VPS53: variants seen among roughly 807,000 people sequenced by gnomAD.
VPS53 encodes the protein vacuolar protein sorting-associated protein 53 homolog.
VPS53 carries 70 observed loss-of-function variants against 107.0 expected under a neutral mutation model. The ratio of observed to expected loss-of-function variants is 0.65; its 90% CI spans 0.54 to 0.80. The LOEUF (loss-of-function observed/expected upper bound fraction) is 0.80. Among genes scored for constraint, VPS53 ranks in the 30% least tolerant of loss-of-function variants. The pLI is 0.00. For missense variants in VPS53, 917 were observed against 1,049.4 expected, an observed-to-expected ratio of 0.87 and a Z score of 1.74; for synonymous variants, 409 against 393.3, an observed-to-expected ratio of 1.04 and a Z score of -0.47.
rs534147562 is a variant in VPS53 at position 524,992 on chromosome 17, G to A, written c.2086-3254C>T. 6.6e-6 allele frequency among the ~76,000 whole-genome samples: 1 copy of A among 152,150 alleles called. No individual in the cohort carries two copies. The highest frequency in any genetic ancestry group is 2.4e-5 in the African/African-American group (1 of 41,432). On this transcript the variant is annotated intron_variant, in intron 19 of 21. Coordinates refer to ENST00000437048, the MANE Select transcript of VPS53 (RefSeq NM_001128159.3). This position sits in a 1 kb window ranked among gnomAD's most constrained non-coding sequence, Gnocchi z 4.5. ...CCATGTAAAAACGTTCCCTGCATCC[G>A]CTATTTATAAAAGCAAAAGTTTGGA...
At chr17:565,292 A>G (rs1200830750) in intron 13 of VPS53, among the ~76,000 whole-genome samples, 5 of 150,760 alleles carry the variant, frequency 3.3e-5, no homozygotes, top group Admixed American at 2.0e-4. Flanking sequence ...AATCCCAGCT[A>G]CTCGGGAGGC....
intron 13 of VPS53, among the ~76,000 whole-genome samples, chr17:582,533 A>T (rs1967082431): frequency 7.3e-6 from 1 of 136,628 alleles, no homozygotes; most frequent in Non-Finnish European, 1.6e-5. Flanking sequence ...GAGAACCTCC[A>T]CAGAAGCTCA....
chr17:563,157 T>C (rs1913177536), intron 13 of VPS53, among the ~76,000 whole-genome samples: 1 of 152,200 alleles, frequency 6.6e-6, no homozygotes, highest in Admixed American at 6.5e-5. Flanking sequence ...CTAATCCTTC[T>C]ATCATATTAG....
At position 628,754 on chromosome 17, in the gene VPS53, C is replaced by T. The variant is rs372110293; in HGVS notation, c.688-523G>A. Among the ~76,000 whole-genome samples the T allele has an allele frequency of 8.5e-5, 13 of 152,170 alleles. No homozygotes were observed. The East Asian group carries it at 1.9e-3, about 23-fold the overall frequency. The stretch of plus-strand genomic sequence containing the variant: ...TCCCTTAACACATAAAACCAGGTTC[C>T]AAGCCACGACATGTGTTTCACAATA... On this transcript the variant is annotated intron_variant, in intron 8 of 21. Coordinates refer to ENST00000437048, the MANE Select transcript of VPS53 (RefSeq NM_001128159.3).
At chr17:582,171 G>C (rs1032385901) in intron 13 of VPS53, among the ~76,000 whole-genome samples, 1 of 149,372 alleles carries the variant, frequency 6.7e-6, no homozygotes, top group African/African-American at 2.5e-5. Context: ...TGTGTTCCCA[G>C]AGAACCTCCC....
At chr17:569,333 T>A (rs1419037775) in intron 13 of VPS53, among the ~76,000 whole-genome samples, 1 of 152,204 alleles carries the variant, frequency 6.6e-6, no homozygotes. Flanking sequence ...AATGTACCAA[T>A]GTTAACTTGC....
In VPS53 at chr17:517,149, G is replaced by C; in HGVS notation, c.*1979C>G. The C allele has an allele frequency of 3.6e-6, 1 of 278,740 alleles. No individual in the cohort carries two copies. The highest frequency in any genetic ancestry group is 6.6e-6 in the Non-Finnish European group (1 of 151,060). The allele number at this position is 278,740 out of a possible 1,614,324, so 17.3% of individuals were successfully genotyped here. A position where few individuals can be genotyped will look rare whatever the true frequency, so the allele number is the denominator to read the frequency against. ...GGTGGGGGCATCTACAGGGCTTCCTGGGGGCTCTCCCGACTGCCGCCCCCC... is the reference window on the plus strand; with the variant it reads ...GGTGGGGGCATCTACAGGGCTTCCTCGGGGCTCTCCCGACTGCCGCCCCCC... On this transcript the variant is annotated 3_prime_UTR_variant, in exon 22 of 22. Transcript: ENST00000437048.
chr17:657,860 A>C (rs1373114595), intron 5 of VPS53, among the ~76,000 whole-genome samples: 3 of 152,178 alleles, frequency 2.0e-5, no homozygotes, highest in African/African-American at 7.2e-5. Flanking sequence ...TTAAAGTGAG[A>C]AACTCGGCAG....
chr17:605,035 C>A (rs759829437), intron 11 of VPS53, among the ~76,000 whole-genome samples: 7 of 152,106 alleles, frequency 4.6e-5, no homozygotes, highest in African/African-American at 9.7e-5. Flanking sequence ...AAACGTGCAA[C>A]AGAGGGCCGC....
intron 11 of VPS53, among the ~76,000 whole-genome samples, chr17:609,853 G>C (rs569833956): frequency 2.0e-5 from 3 of 152,242 alleles, no homozygotes; most frequent in Non-Finnish European, 4.4e-5. Flanking sequence ...GACAAGGCCG[G>C]GTGCGGTGGC....
intron 13 of VPS53, among the ~76,000 whole-genome samples, chr17:580,078 G>A (rs566346286): frequency 3.2e-5 from 4 of 125,824 alleles, no homozygotes; most frequent in African/African-American, 1.2e-4. Flanking sequence ...ACCTAATGCG[G>A]TCCCAGAGAA....
At chr17:612,977 A>G (rs1219551512) in intron 11 of VPS53, among the ~76,000 whole-genome samples, 23 of 149,698 alleles carry the variant, frequency 1.5e-4, no homozygotes, top group Admixed American at 1.5e-3. Flanking sequence ...AACCTGTACA[A>G]ATATTCACAT....
chr17:537,229 C>G, intron 17 of VPS53, 53 bp from the exon 18 acceptor site: 1 of 1,593,498 alleles, frequency 6.3e-7, no homozygotes, highest in Non-Finnish European at 8.6e-7. Flanking sequence ...AACGGTGTCG[C>G]CTGTTACTGG....
intron 4 of VPS53, 117 bp downstream of exon 4, chr17:697,301 T>C: frequency 2.3e-6 from 2 of 862,448 alleles, no homozygotes; most frequent in South Asian, 1.5e-5. Flanking sequence ...TGTCCTGCCA[T>C]GTATGAAACG....
chr17:602,187 G>A (rs535554858), intron 11 of VPS53, among the ~76,000 whole-genome samples: 3 of 152,170 alleles, frequency 2.0e-5, no homozygotes, highest in Non-Finnish European at 4.4e-5. Flanking sequence ...CCATCTGTCA[G>A]GTTTGGGTCA....
chr17:633,377 A>G (rs1246596580), intron 7 of VPS53, among the ~76,000 whole-genome samples: 1 of 152,152 alleles, frequency 6.6e-6, no homozygotes, highest in Admixed American at 6.5e-5. Context: ...GTTGCTAAAA[A>G]TGCCTTAAAA....
At chr17:549,977 T>C (rs1911672020) in intron 17 of VPS53, among the ~76,000 whole-genome samples, 1 of 152,252 alleles carries the variant, frequency 6.6e-6, no homozygotes, top group South Asian at 2.1e-4. Flanking sequence ...TACAATCTAC[T>C]GCAAAACCAA....
At chr17:541,031 T>C (rs1910597757) in intron 17 of VPS53, among the ~76,000 whole-genome samples, 1 of 152,198 alleles carries the variant, frequency 6.6e-6, no homozygotes, top group South Asian at 2.1e-4. Flanking sequence ...AAAATGTGAA[T>C]ACTTAAATTC....
At chr17:693,530 C>T (rs181252175) in intron 4 of VPS53, among the ~76,000 whole-genome samples, 49 of 151,866 alleles carry the variant, frequency 3.2e-4, no homozygotes, top group Middle Eastern at 3.4e-3. Context: ...AAGACCAGCC[C>T]GGGCAACACA....
Sources: allele counts gnomAD v4.1 joint callset (sites outside exome capture counted in the v4.1 genomes callset), GRCh38; gene constraint gnomAD v4.1.1; non-coding constraint Gnocchi (gnomAD v3.1); transcripts MANE v1.5; gene names NCBI Gene and HGNC (gene_info 2026-07-23, HGNC 2026-07-21).